SCYL2: variants seen among roughly 807,000 people sequenced by gnomAD.
SCYL2 encodes the protein SCY1-like protein 2.
In SCYL2, 36 loss-of-function variants were observed where a neutral mutation model predicts 100.4. The observed-to-expected ratio is 0.36, with a 90% confidence interval of 0.27 to 0.47. SCYL2 has a LOEUF of 0.47. Ranked by LOEUF, SCYL2 falls within the 20% of genes least tolerant of loss-of-function variation. The pLI, the probability that SCYL2 is intolerant of heterozygous loss-of-function variation, is 1.00. For missense variants in SCYL2, 902 were observed against 1,083.9 expected (o/e 0.83, Z 2.36); for synonymous variants, 330 against 359.2 (o/e 0.92, Z 0.92).
intron 3 of SCYL2, among the ~76,000 whole-genome samples, chr12:100,295,572 G>A (rs2096318819): frequency 6.6e-6 from 1 of 151,778 alleles, no homozygotes; most frequent in African/African-American, 2.4e-5. Context: ...GGCAGCGCGT[G>A]CCTGCAATCG....
intron 9 of SCYL2, among the ~76,000 whole-genome samples, chr12:100,316,129 G>A (rs1326899957): frequency 6.6e-6 from 1 of 152,216 alleles, no homozygotes; most frequent in Non-Finnish European, 1.5e-5. Flanking sequence ...TCTTTAATAT[G>A]TAGGTGCTTT....
At chr12:100,302,300 C>G (rs1351041028) in intron 4 of SCYL2, among the ~76,000 whole-genome samples, 1 of 152,172 alleles carries the variant, frequency 6.6e-6, no homozygotes, top group Non-Finnish European at 1.5e-5. Context: ...CACTTGCCAT[C>G]CTAGTCAGTT....
At chr12:100,305,384 G>A (rs950523318) in intron 4 of SCYL2, among the ~76,000 whole-genome samples, 2 of 152,054 alleles carry the variant, frequency 1.3e-5, no homozygotes, top group Non-Finnish European at 2.9e-5. Context: ...GGAAACTGAA[G>A]AACCTGCTCC....
chr12:100,339,082 T>C lies in SCYL2; in HGVS notation c.2700T>C (p.Pro900=). Residue 900 remains proline, a synonymous_variant, in exon 18 of 18, where the codon CCT becomes CCC. Coordinates refer to ENST00000360820, the MANE Select transcript of SCYL2 (RefSeq NM_017988.6). ...CTGCTTTTGGTATGCAGGGTAATCC[T>C]TTCTTTAACCCACAGAACTTTGCAC... ...GQSAFGMQGN[P]FFNPQNFAQP... is the part of the protein sequence containing the mutation. The C allele has an allele frequency of 6.2e-7, 1 of 1,614,112 alleles. No individual in the cohort carries two copies. The highest frequency in any genetic ancestry group is 8.5e-7 in the Non-Finnish European group (1 of 1,179,956).
At position 100,312,539 on chromosome 12, in the gene SCYL2, C is replaced by T. The variant is rs2096343446; in HGVS notation, c.738C>T (p.Ala246=). 1.9e-6 allele frequency: 3 copies of T among 1,612,576 alleles called. No homozygotes were observed. Among genetic ancestry groups the T allele is most frequent in the East Asian group, 4.5e-5 (2 of 44,794 alleles). ...TACTTTCTGTGAGCTGTGAAACAGC[C>T]AGTGATATGTATTCTTTAGGAACTG... The part of the protein sequence containing the change: ...EYILSVSCET[A]SDMYSLGTVM... Residue 246 remains alanine (A), a synonymous_variant, in exon 6 of 18, where the codon GCC becomes GCT. Coordinates refer to ENST00000360820, the MANE Select transcript of SCYL2 (RefSeq NM_017988.6).
chr12:100,323,805 T>C (rs1192741935), intron 11 of SCYL2, 167 bp downstream of exon 11: 1 of 432,316 alleles, frequency 2.3e-6, no homozygotes, highest in African/African-American at 2.1e-5. Flanking sequence ...CTTTGATACA[T>C]AATTTATAAT....
intron 13 of SCYL2, among the ~76,000 whole-genome samples, chr12:100,331,090 T>A: frequency 6.6e-6 from 1 of 152,030 alleles, no homozygotes; most frequent in East Asian, 1.9e-4. Flanking sequence ...CCTCCCAAAG[T>A]GCTGGGATTA....
chr12:100,280,059 G>A (rs1026749095), intron 1 of SCYL2, among the ~76,000 whole-genome samples: 1 of 152,162 alleles, frequency 6.6e-6, no homozygotes, highest in Non-Finnish European at 1.5e-5. Context: ...TTTGGAATGT[G>A]CCTCTGGGGC....
intron 2 of SCYL2, among the ~76,000 whole-genome samples, chr12:100,285,519 C>T (rs760551042): frequency 2.6e-5 from 4 of 152,156 alleles, no homozygotes; most frequent in Non-Finnish European, 5.9e-5. Context: ...TATACACTTC[C>T]ACCAGCAGTT....
Position 100,338,421 on chromosome 12 carries a change from T to TATTA in SCYL2, c.2146-107_2146-106insATTA, listed in dbSNP as rs1952307792. 12 of 998,460 alleles carry TATTA rather than the reference T, an allele frequency of 1.2e-5. No individual in the cohort carries two copies. In the South Asian group the frequency reaches 2.2e-4, roughly 18 times the overall value. The allele number at this position is 998,460 out of a possible 1,614,324, so 61.9% of individuals were successfully genotyped here. A position where few individuals can be genotyped will look rare whatever the true frequency, so the allele number is the denominator to read the frequency against. Reference sequence around the variant, plus strand: ...AGTTTGCTAATTTGGTGTAGACCATTGAGCTTAATTCTAACTTGTCCTTTA... The same window carrying TATTA: ...AGTTTGCTAATTTGGTGTAGACCATTATTAGAGCTTAATTCTAACTTGTCCTTTA... On this transcript the variant is annotated intron_variant, in intron 17 of 17. Coordinates refer to ENST00000360820, the MANE Select transcript of SCYL2 (RefSeq NM_017988.6).
At chr12:100,322,252 A>T (rs1309157320) in intron 10 of SCYL2, among the ~76,000 whole-genome samples, 2 of 148,740 alleles carry the variant, frequency 1.3e-5, no homozygotes, top group Non-Finnish European at 3.0e-5. Context: ...GGGCGCCTGT[A>T]GTCCCAGCTA....
chr12:100,268,849 A>T (rs10860570), intron 1 of SCYL2, among the ~76,000 whole-genome samples: 22,506 of 152,082 alleles, frequency 0.15, 1,861 homozygotes, highest in Non-Finnish European at 0.18. Flanking sequence ...ATAGAAGTTG[A>T]AGTTTGACAA....
At chr12:100,288,693 T>C (rs1947106615) in intron 2 of SCYL2, among the ~76,000 whole-genome samples, 1 of 151,822 alleles carries the variant, frequency 6.6e-6, no homozygotes, top group African/African-American at 2.4e-5. Flanking sequence ...AAAAATTTGC[T>C]GGGCATGGTG....
At chr12:100,285,004 T>A (rs2096302915) in intron 2 of SCYL2, among the ~76,000 whole-genome samples, 1 of 151,992 alleles carries the variant, frequency 6.6e-6, no homozygotes, top group South Asian at 2.1e-4. Flanking sequence ...AGACTCTGTC[T>A]AAAAAAAATT....
intron 1 of SCYL2, among the ~76,000 whole-genome samples, chr12:100,276,298 T>C (rs1393372960): frequency 1.3e-5 from 2 of 152,168 alleles, no homozygotes; most frequent in South Asian, 4.1e-4. Flanking sequence ...CTGTTATTGG[T>C]CATTTGTGTC....
At chr12:100,319,360 C>T (rs1301874646) in intron 10 of SCYL2, 6 of 435,336 alleles carry the variant, frequency 1.4e-5, no homozygotes, top group Non-Finnish European at 2.3e-5. Flanking sequence ...TTCCCACAGG[C>T]TCTGTGCAGC....
At chr12:100,274,906 A>G (rs1247194658) in intron 1 of SCYL2, among the ~76,000 whole-genome samples, 1 of 152,204 alleles carries the variant, frequency 6.6e-6, no homozygotes, top group Non-Finnish European at 1.5e-5. Context: ...GTAATATTCT[A>G]GAATCAGTTT....
chr12:100,284,396 G>A (rs2096302204), intron 2 of SCYL2, among the ~76,000 whole-genome samples: 1 of 152,192 alleles, frequency 6.6e-6, no homozygotes, highest in Admixed American at 6.5e-5. Flanking sequence ...GGAATTAAAG[G>A]TGGTACACCA....
intron 4 of SCYL2, among the ~76,000 whole-genome samples, chr12:100,299,944 C>T (rs961413393): frequency 2.6e-5 from 4 of 152,172 alleles, no homozygotes; most frequent in Non-Finnish European, 4.4e-5. Context: ...ATACTGTTTT[C>T]CATAGTGGTT....
Sources: gnomAD v4.1 joint callset for allele counts (sites outside exome capture counted in the v4.1 genomes callset) on GRCh38, gnomAD v4.1.1 for gene constraint, MANE v1.5 for transcripts, NCBI Gene and HGNC (gene_info 2026-07-23, HGNC 2026-07-21) for gene names.